The following GPC6 variants were observed in gnomAD, a reference collection of about 807,000 sequenced individuals.
GPC6 encodes the protein glypican-6.
A neutral mutation model predicts 55.2 loss-of-function variants in GPC6; 14 were observed. That is an observed-to-expected ratio of 0.25 (90% CI 0.17 to 0.40). The LOEUF (loss-of-function observed/expected upper bound fraction) is 0.40. Ranked by LOEUF, GPC6 falls within the 10% of genes least tolerant of loss-of-function variation. The pLI is 1.00. For missense variants in GPC6, 641 were observed against 708.5 expected (o/e 0.90, Z 1.08); for synonymous variants, 278 against 259.6 (o/e 1.07, Z -0.68).
intron 2 of GPC6, among the ~76,000 whole-genome samples, chr13:93,754,493 G>T (rs1005889184): frequency 1.3e-5 from 2 of 152,030 alleles, no homozygotes; most frequent in Non-Finnish European, 2.9e-5. Flanking sequence ...CTTATTCCCA[G>T]TACAAGAAAA....
chr13:94,398,549 C>T lies in GPC6; in HGVS notation c.1373C>T (p.Thr458Ile), dbSNP rs1399381272. ...EVDVDITRPDTFIRQQIMALR... is the reference protein window; with the variant it reads ...EVDVDITRPDIFIRQQIMALR... ...GATGTGGACATCACTCGGCCTGACACTTTCATCAGACAGCAGATTATGGCT... is the reference window on the plus strand; with the variant it reads ...GATGTGGACATCACTCGGCCTGACATTTTCATCAGACAGCAGATTATGGCT... Residue 458 changes from threonine to isoleucine, a missense_variant, in exon 8 of 9, where the codon ACT becomes ATT. Thr to Ile is a moderately conservative substitution (Grantham distance 89). Transcript: ENST00000377047. The T allele has an allele frequency of 1.9e-6, 3 of 1,613,586 alleles. No homozygotes were observed. Among genetic ancestry groups the T allele is most frequent in the African/African-American group, 1.3e-5 (1 of 74,922 alleles).
chr13:93,888,267 T>C (rs1875461139), intron 3 of GPC6, among the ~76,000 whole-genome samples: 1 of 152,130 alleles, frequency 6.6e-6, no homozygotes. Context: ...TTAGCGCAAA[T>C]TTATGAAGTT....
chr13:93,434,017 A>G (rs76281832), intron 1 of GPC6, among the ~76,000 whole-genome samples: 1 of 152,154 alleles, frequency 6.6e-6, no homozygotes, highest in Non-Finnish European at 1.5e-5. Context: ...ATAAAATAGG[A>G]TAATATGTAC....
chr13:93,961,329 C>G (rs1879765315), intron 3 of GPC6, among the ~76,000 whole-genome samples: 1 of 152,184 alleles, frequency 6.6e-6, no homozygotes, highest in African/African-American at 2.4e-5. Flanking sequence ...GGCAACTAAT[C>G]TCTAAATTTA....
chr13:93,688,596 G>A (rs1882139281), intron 2 of GPC6, among the ~76,000 whole-genome samples: 1 of 151,974 alleles, frequency 6.6e-6, no homozygotes, highest in African/African-American at 2.4e-5. Flanking sequence ...CTATAAAAAG[G>A]CAGGAAATTA....
intron 6 of GPC6, among the ~76,000 whole-genome samples, chr13:94,331,090 T>C (rs1396279491): frequency 7.2e-5 from 11 of 152,204 alleles, no homozygotes; most frequent in Non-Finnish European, 1.5e-4. Context: ...AGAAACTGTA[T>C]GCAGTGATTT....
At chr13:93,755,874 T>G (rs969728219) in intron 2 of GPC6, among the ~76,000 whole-genome samples, 1 of 152,170 alleles carries the variant, frequency 6.6e-6, no homozygotes, top group African/African-American at 2.4e-5. Context: ...AAGAACAGAA[T>G]TTTTTTGAAA....
intron 4 of GPC6, among the ~76,000 whole-genome samples, chr13:94,085,321 CAAAAAA>C (rs33967804): frequency 0.28 from 23,978 of 86,740 alleles, 2,035 homozygotes; most frequent in East Asian, 0.41. Flanking sequence ...GATTCTGTCT[CAAAAAA>C]AAAAAAAAAA....
chr13:94,308,679 T>A (rs1230372440), intron 6 of GPC6, among the ~76,000 whole-genome samples: 2 of 152,220 alleles, frequency 1.3e-5, no homozygotes, highest in East Asian at 1.9e-4. Context: ...CTGATTTTTT[T>A]ATTAAATTCT....
chr13:94,121,391 C>T (rs1260806362), intron 4 of GPC6, among the ~76,000 whole-genome samples: 1 of 152,082 alleles, frequency 6.6e-6, no homozygotes, highest in Admixed American at 6.6e-5. Context: ...ATTATCCTAT[C>T]GCACTTTGCA....
At chr13:93,855,932 A>G (rs143238068) in intron 3 of GPC6, among the ~76,000 whole-genome samples, 22 of 151,760 alleles carry the variant, frequency 1.4e-4, no homozygotes, top group African/African-American at 4.1e-4. Flanking sequence ...TTTGGATAAC[A>G]GTATTTTATC....
chr13:94,303,433 G>C (rs1413545808), intron 5 of GPC6, among the ~76,000 whole-genome samples: 3 of 152,054 alleles, frequency 2.0e-5, no homozygotes, highest in African/African-American at 7.2e-5. Flanking sequence ...ATTCTTAATC[G>C]GCCTAGGAAA....
intron 1 of GPC6, among the ~76,000 whole-genome samples, chr13:93,295,246 G>A (rs1174333829): frequency 4.2e-5 from 6 of 141,832 alleles, no homozygotes; most frequent in South Asian, 4.5e-4. Flanking sequence ...GACAGTGGTC[G>A]TGCCATTGCA....
chr13:93,894,365 G>A (rs113716385), intron 3 of GPC6, among the ~76,000 whole-genome samples: 1,969 of 152,216 alleles, frequency 0.013, 40 homozygotes, highest in African/African-American at 0.045. Context: ...CTTCCAAGGT[G>A]ATGGTTTATA....
chr13:94,087,069 A>G (rs1324553150), intron 4 of GPC6, among the ~76,000 whole-genome samples: 1 of 152,238 alleles, frequency 6.6e-6, no homozygotes, highest in African/African-American at 2.4e-5. Context: ...TTGGTTAAGG[A>G]AAAGTTCTCT....
chr13:93,538,105 A>G (rs1259727251), intron 1 of GPC6, among the ~76,000 whole-genome samples: 1 of 152,174 alleles, frequency 6.6e-6, no homozygotes, highest in South Asian at 2.1e-4. Context: ...ATGTGGAAAC[A>G]TAAGCTGGAA....
intron 2 of GPC6, among the ~76,000 whole-genome samples, chr13:93,633,551 A>T (rs1879563075): frequency 6.6e-6 from 1 of 151,898 alleles, no homozygotes; most frequent in Non-Finnish European, 1.5e-5. Flanking sequence ...CAGGAGAATC[A>T]CTTGAACCCA....
At chr13:93,496,518 C>T (rs915010242) in intron 1 of GPC6, among the ~76,000 whole-genome samples, 35 of 152,302 alleles carry the variant, frequency 2.3e-4, no homozygotes, top group African/African-American at 6.3e-4. Flanking sequence ...TGTTCCTATT[C>T]GGCCATCTTG....
At chr13:93,563,420 A>G (rs1163641364) in intron 2 of GPC6, among the ~76,000 whole-genome samples, 1 of 152,102 alleles carries the variant, frequency 6.6e-6, no homozygotes, top group African/African-American at 2.4e-5. Context: ...GGAGATGCAG[A>G]CAAAAATGAT....
Sources: gnomAD v4.1 joint callset for allele counts (sites outside exome capture counted in the v4.1 genomes callset) on GRCh38, gnomAD v4.1.1 for gene constraint, MANE v1.5 for transcripts, NCBI Gene and HGNC (gene_info 2026-07-23, HGNC 2026-07-21) for gene names.